Variants in FRAS1 observed in about 807,000 individuals in gnomAD.
FRAS1 encodes the protein extracellular matrix organizing protein FRAS1.
FRAS1 carries 290 observed loss-of-function variants against 435.2 expected under a neutral mutation model. The observed-to-expected ratio is 0.67, with a 90% CI of 0.61 to 0.73. FRAS1 has a LOEUF of 0.73. FRAS1 is among the 30% of genes least tolerant of loss of function. The pLI is 0.00. For synonymous variants in FRAS1, 1,800 were observed against 1,851.0 expected, an observed-to-expected ratio of 0.97 and a Z score of 0.71; for missense variants, 4,860 against 5,001.5, an observed-to-expected ratio of 0.97 and a Z score of 0.85.
chr4:78,286,611 C>A lies in FRAS1; in HGVS notation c.1534+72C>A, dbSNP rs73827932. 1.1e-5 allele frequency: 16 copies of A among 1,512,194 alleles called. No individual in the cohort carries two copies. The East Asian group carries it at 3.6e-4, about 34-fold the overall frequency. 93.7% of individuals were successfully genotyped at this position (1,512,194 alleles called of 1,614,324 possible). A position where few individuals can be genotyped will look rare whatever the true frequency, so the allele number is the denominator to read the frequency against. ...CCCAACCCTGACCCCACCAAGTGATCTGGGGACACCAGGAGCTGGAAGCAC... is the reference window on the plus strand; with the variant it reads ...CCCAACCCTGACCCCACCAAGTGATATGGGGACACCAGGAGCTGGAAGCAC... On this transcript the variant is annotated intron_variant, in intron 14 of 73. Coordinates refer to ENST00000512123, the MANE Select transcript of FRAS1 (RefSeq NM_025074.7).
chr4:78,484,095 C>CT (rs1241901442), intron 58 of FRAS1, among the ~76,000 whole-genome samples: 1 of 152,036 alleles, frequency 6.6e-6, no homozygotes, highest in Non-Finnish European at 1.5e-5. Flanking sequence ...AATCTGTTTT[C>CT]TGGCCCTAAA....
intron 2 of FRAS1, among the ~76,000 whole-genome samples, chr4:78,212,831 G>A (rs1723574742): frequency 1.3e-5 from 2 of 151,480 alleles, no homozygotes; most frequent in Non-Finnish European, 3.0e-5. Context: ...TGATATATAA[G>A]TGTTTTATTG....
chr4:78,135,464 G>A (rs1004553857), intron 2 of FRAS1, among the ~76,000 whole-genome samples: 19 of 152,180 alleles, frequency 1.2e-4, no homozygotes, highest in African/African-American at 4.3e-4. Context: ...CTGATCTGCA[G>A]AGAAAGCATG....
At chr4:78,518,409 G>GT (rs1578370118) in intron 66 of FRAS1, among the ~76,000 whole-genome samples, 1 of 114,408 alleles carries the variant, frequency 8.7e-6, no homozygotes, top group Non-Finnish European at 1.8e-5. Flanking sequence ...TTTAAGCTAA[G>GT]TTTTTTTGTT....
chr4:78,320,667 C>G (rs1265416824), intron 18 of FRAS1, among the ~76,000 whole-genome samples: 1 of 146,672 alleles, frequency 6.8e-6, no homozygotes, highest in Non-Finnish European at 1.5e-5. Flanking sequence ...TTCTGTCTCT[C>G]TCTCTCTCTC....
At chr4:78,479,764 C>G (rs1200233657) in intron 56 of FRAS1, 46 bp downstream of exon 56, 6 of 1,402,008 alleles carry the variant, frequency 4.3e-6, no homozygotes, top group Non-Finnish European at 5.8e-6. Context: ...CTCCTGATTC[C>G]TTTCTTGAGC....
chr4:78,176,669 C>T (rs1017963940), intron 2 of FRAS1, among the ~76,000 whole-genome samples: 2 of 152,182 alleles, frequency 1.3e-5, no homozygotes, highest in African/African-American at 4.8e-5. Flanking sequence ...CAGGCAGGCA[C>T]ACCTATGAAG....
chr4:78,181,833 T>A (rs1722017957), intron 2 of FRAS1: 1 of 1,611,966 alleles, frequency 6.2e-7, no homozygotes, highest in Non-Finnish European at 8.5e-7. Context: ...TGGGACTCCT[T>A]GCGCAGCTGT....
rs138031883 is a variant in FRAS1 at position 78,364,745 on chromosome 4, A to T, written c.2722+691A>T. On this transcript the variant is annotated intron_variant, in intron 22 of 73. Coordinates refer to ENST00000512123, the MANE Select transcript of FRAS1 (RefSeq NM_025074.7). ...ATGATAGGCTGATGCCACTTATTTT[A>T]TCTCAGTCACCAAAGTGTCATTTGC... Among the ~76,000 whole-genome samples, 105 of 152,356 alleles carry T rather than the reference A, an allele frequency of 6.9e-4. 1 individual carries two copies. In the Middle Eastern group the frequency reaches 0.027, roughly 39 times the overall value.
At chr4:78,058,654 G>A (rs1287061390) in intron 1 of FRAS1, among the ~76,000 whole-genome samples, 2 of 152,118 alleles carry the variant, frequency 1.3e-5, no homozygotes, top group Non-Finnish European at 2.9e-5. Flanking sequence ...GGAGAAGCAC[G>A]AACCAGCCTG....
rs746214978 is a variant in FRAS1 at position 78,387,434 on chromosome 4, C to T, written c.3708C>T (p.Ile1236=). Residue 1236 remains isoleucine (I), a synonymous_variant, in exon 29 of 74, where the codon ATC becomes ATT. Transcript: ENST00000512123. ...LHISRGERAT[I]TTQMLDIRDD... ...TTAGCAGAGGAGAGAGGGCAACCAT[C>T]ACCACCCAGATGCTTGACATCCGAG... is the stretch of plus-strand genomic sequence containing the variant. The T allele has an allele frequency of 3.7e-6, 6 of 1,613,690 alleles. No individual in the cohort carries two copies. In the South Asian group the frequency reaches 5.5e-5, roughly 15 times the overall value.
intron 20 of FRAS1, among the ~76,000 whole-genome samples, chr4:78,356,252 G>A (rs1414501693): frequency 1.3e-5 from 2 of 152,074 alleles, no homozygotes. Flanking sequence ...GGCCTGAAGT[G>A]GATTTTGAAA....
chr4:78,183,775 T>C (rs866924380), intron 2 of FRAS1, among the ~76,000 whole-genome samples: 115 of 150,712 alleles, frequency 7.6e-4, no homozygotes, highest in African/African-American at 2.6e-3. Flanking sequence ...TGTGTGTGTG[T>C]TTAAATATAT....
At chr4:78,117,296 G>T (rs1467450760) in intron 2 of FRAS1, among the ~76,000 whole-genome samples, 1 of 152,134 alleles carries the variant, frequency 6.6e-6, no homozygotes, top group East Asian at 1.9e-4. Flanking sequence ...TGGTGAATCG[G>T]ACAATTATGT....
At chr4:78,271,485 G>C (rs921993167) in intron 9 of FRAS1, among the ~76,000 whole-genome samples, 15 of 152,016 alleles carry the variant, frequency 9.9e-5, no homozygotes, top group East Asian at 9.7e-4. Flanking sequence ...CCACAACAGG[G>C]CCTGGTGTGT....
intron 60 of FRAS1, among the ~76,000 whole-genome samples, chr4:78,497,194 C>A (rs116683667): frequency 0.011 from 1,742 of 152,122 alleles, 30 homozygotes; most frequent in African/African-American, 0.04. Context: ...GAGATATGGA[C>A]TGATTGTGGT....
chr4:78,190,063 A>G (rs1722463980), intron 2 of FRAS1, among the ~76,000 whole-genome samples: 1 of 152,204 alleles, frequency 6.6e-6, no homozygotes, highest in Non-Finnish European at 1.5e-5. Flanking sequence ...CCTCAGCTAA[A>G]TATATTAAAT....
At chr4:78,484,577 A>G (rs928922649) in intron 58 of FRAS1, among the ~76,000 whole-genome samples, 1 of 152,208 alleles carries the variant, frequency 6.6e-6, no homozygotes, top group Non-Finnish European at 1.5e-5. Context: ...ATTTTCCTAC[A>G]GAAGTTTTAT....
intron 6 of FRAS1, among the ~76,000 whole-genome samples, chr4:78,262,916 C>A (rs1726179725): frequency 1.4e-5 from 2 of 139,344 alleles, no homozygotes; most frequent in Non-Finnish European, 3.2e-5. Flanking sequence ...GAACAACTTA[C>A]TCAATTATAC....
Sources: allele counts gnomAD v4.1 joint callset (sites outside exome capture counted in the v4.1 genomes callset), GRCh38; gene constraint gnomAD v4.1.1; transcripts MANE v1.5; gene names NCBI Gene and HGNC (gene_info 2026-07-23, HGNC 2026-07-21).